GLG1: variants seen among roughly 807,000 people sequenced by gnomAD.
GLG1 encodes Golgi apparatus protein 1.
Under a neutral mutation model 160.5 loss-of-function variants are expected in GLG1, and 38 were observed. The observed-to-expected ratio is 0.24, with a 90% CI of 0.18 to 0.31. The LOEUF (loss-of-function observed/expected upper bound fraction) is 0.31. Among genes scored for constraint, GLG1 ranks in the 10% least tolerant of loss-of-function variants. The probability of loss-of-function intolerance (pLI) is 1.00; values close to 1 mark genes in which losing one functional copy is unlikely to be tolerated. For synonymous variants in GLG1, 644 were observed against 543.4 expected (o/e 1.19, Z -2.57); for missense variants, 1,373 against 1,505.2 (o/e 0.91, Z 1.45).
At chr16:74,470,466 T>TTTC (rs1383969630) in intron 15 of GLG1, among the ~76,000 whole-genome samples, 28 of 145,392 alleles carry the variant, frequency 1.9e-4, no homozygotes, top group South Asian at 4.4e-4. Context: ...TTTTTTTTTT[T>TTTC]TGACAGAGCC....
chr16:74,470,217 C>T (rs1175465693), intron 15 of GLG1, 144 bp from the exon 16 acceptor site: 1 of 651,652 alleles, frequency 1.5e-6, no homozygotes, highest in Non-Finnish European at 2.8e-6. Context: ...TCACGACCTG[C>T]TCATCTCTCC....
At chr16:74,483,318 G>C (rs1249227367) in intron 9 of GLG1, among the ~76,000 whole-genome samples, 194 bp from the exon 10 acceptor site, 1 of 152,216 alleles carries the variant, frequency 6.6e-6, no homozygotes, top group Non-Finnish European at 1.5e-5. Context: ...GAGCCACTCA[G>C]CACTGAAGAC....
intron 22 of GLG1, 103 bp downstream of exon 22, chr16:74,461,991 C>A: frequency 3.1e-6 from 2 of 654,230 alleles, no homozygotes; most frequent in Non-Finnish European, 5.5e-6. Flanking sequence ...CTTCAATTCA[C>A]CAGATCATTC....
chr16:74,574,883 CAAAAAA>C (rs531720341), intron 1 of GLG1, among the ~76,000 whole-genome samples: 20 of 24,788 alleles, frequency 8.1e-4, no homozygotes, highest in East Asian at 7.0e-3. Flanking sequence ...GACTCTGTCT[CAAAAAA>C]AAAAAAAAAA....
At chr16:74,586,058 G>GT (rs1958044217) in intron 1 of GLG1, among the ~76,000 whole-genome samples, 1 of 139,110 alleles carries the variant, frequency 7.2e-6, no homozygotes, top group Non-Finnish European at 1.5e-5. Context: ...GCAAGACTCT[G>GT]TATCGGAAAA....
chr16:74,602,087 A>G (rs1396383665), intron 1 of GLG1, among the ~76,000 whole-genome samples: 1 of 152,168 alleles, frequency 6.6e-6, no homozygotes, highest in Admixed American at 6.6e-5. Flanking sequence ...TATACAGTTA[A>G]GTGAAAGGTT....
At chr16:74,557,457 T>G (rs1213015748) in intron 1 of GLG1, among the ~76,000 whole-genome samples, 1 of 152,118 alleles carries the variant, frequency 6.6e-6, no homozygotes, top group East Asian at 1.9e-4. Flanking sequence ...TAGGCTTACT[T>G]ATGGGTGACC....
chr16:74,460,466 A>G (rs935469605), intron 22 of GLG1, among the ~76,000 whole-genome samples: 24 of 152,204 alleles, frequency 1.6e-4, no homozygotes, highest in African/African-American at 5.5e-4. Flanking sequence ...CTGAACTGAC[A>G]GTTTCAAAAG....
chr16:74,591,366 C>T (rs1400503793), intron 1 of GLG1, among the ~76,000 whole-genome samples: 1 of 150,628 alleles, frequency 6.6e-6, no homozygotes, highest in Non-Finnish European at 1.5e-5. Flanking sequence ...CGGTGGCTCA[C>T]GCCTGTAATC....
At chr16:74,517,360 T>C (rs1480355305) in intron 2 of GLG1, among the ~76,000 whole-genome samples, 1 of 152,194 alleles carries the variant, frequency 6.6e-6, no homozygotes, top group African/African-American at 2.4e-5. Flanking sequence ...CACCATCAAG[T>C]TGGCTTCATC....
Position 74,462,493 on chromosome 16 carries a change from C to A in GLG1, c.2929G>T (p.Asp977Tyr). ...VISCLKLRYADQRLSSDCEDQ... is the reference protein window; with the variant it reads ...VISCLKLRYAYQRLSSDCEDQ... ...GAGAGCCCAGGCCAGTTTACCTGGT[C>A]AGCATATCTCAGCTTCAGGCAAGAG... Residue 977 changes from aspartate to tyrosine, a missense_variant, in exon 21 of 26, where the codon GAC (aspartate) becomes TAC (tyrosine). Asp to Tyr is a radical substitution (Grantham distance 160). Coordinates refer to ENST00000422840, the MANE Select transcript of GLG1 (RefSeq NM_001145667.2). The A allele has an allele frequency of 6.2e-7, 1 of 1,613,478 alleles. No individual in the cohort carries two copies. The highest frequency in any genetic ancestry group is 1.1e-5 in the South Asian group (1 of 91,046).
chr16:74,554,164 A>G (rs992111214), intron 1 of GLG1, among the ~76,000 whole-genome samples: 4 of 152,192 alleles, frequency 2.6e-5, no homozygotes, highest in Non-Finnish European at 4.4e-5. Context: ...AAAAAATACA[A>G]TGTGTACAAT....
intron 2 of GLG1, among the ~76,000 whole-genome samples, chr16:74,512,744 A>G (rs1010023345): frequency 6.6e-6 from 1 of 152,154 alleles, no homozygotes; most frequent in Non-Finnish European, 1.5e-5. Context: ...AGGACAAAAG[A>G]AGGAAGAGTC....
intron 2 of GLG1, among the ~76,000 whole-genome samples, chr16:74,509,217 G>A (rs1309056038): frequency 7.2e-6 from 1 of 138,244 alleles, no homozygotes; most frequent in East Asian, 2.0e-4. Flanking sequence ...TTGTTGCCCA[G>A]GCTGGAGTGC....
chr16:74,501,898 T>C (rs1284493627), intron 4 of GLG1, among the ~76,000 whole-genome samples: 1 of 152,204 alleles, frequency 6.6e-6, no homozygotes. Context: ...GAAAGATTTA[T>C]GCCAAGCCAC....
intron 1 of GLG1, among the ~76,000 whole-genome samples, chr16:74,595,143 G>A (rs750395823): frequency 1.7e-4 from 26 of 151,150 alleles, no homozygotes; most frequent in Admixed American, 1.3e-4. Context: ...AGCGGAGATC[G>A]CGCCACTGCA....
At chr16:74,591,815 A>G (rs917299959) in intron 1 of GLG1, among the ~76,000 whole-genome samples, 3 of 152,288 alleles carry the variant, frequency 2.0e-5, no homozygotes, top group Non-Finnish European at 4.4e-5. Context: ...CTTTCAGAAA[A>G]ATTTCAGTAA....
chr16:74,581,440 C>G (rs901799261), intron 1 of GLG1, among the ~76,000 whole-genome samples: 6 of 146,720 alleles, frequency 4.1e-5, no homozygotes, highest in Non-Finnish European at 8.9e-5. Flanking sequence ...CTAGAGTAGT[C>G]AAATTCACAG....
intron 24 of GLG1, among the ~76,000 whole-genome samples, 167 bp from the exon 25 acceptor site, chr16:74,456,922 A>G (rs2014570622): frequency 1.3e-5 from 2 of 152,164 alleles, no homozygotes; most frequent in African/African-American, 4.8e-5. Flanking sequence ...CAATGGAGAG[A>G]AATGATATGT....
Sources: gnomAD v4.1 joint callset for allele counts (sites outside exome capture counted in the v4.1 genomes callset) on GRCh38, gnomAD v4.1.1 for gene constraint, MANE v1.5 for transcripts, NCBI Gene and HGNC (gene_info 2026-07-23, HGNC 2026-07-21) for gene names.